Variants in PTS observed in about 807,000 individuals in gnomAD.
The protein encoded by PTS is 6-pyruvoyltetrahydropterin synthase.
Under a neutral mutation model 20.6 loss-of-function variants are expected in PTS, and 23 were observed. The observed-to-expected ratio is 1.12, with a 90% confidence interval of 0.80 to 1.58. The LOEUF is 1.58. PTS is among the 40% of genes most tolerant of loss of function. PTS has a pLI of 0.00. For missense variants in PTS, 186 were observed against 182.4 expected (o/e 1.02, Z -0.11); for synonymous variants, 65 against 62.5 (o/e 1.04, Z -0.19).
intron 1 of PTS, chr11:112,228,313 C>A: frequency 4.2e-6 from 2 of 475,804 alleles, no homozygotes; most frequent in Non-Finnish European, 7.6e-6. Context: ...AAGTGGAAGG[C>A]CCATGAGCAG....
Position 112,228,728 on chromosome 11 carries a change from A to C in PTS, c.163+55A>C, listed in dbSNP as rs1055449773. On this transcript the variant is annotated intron_variant, in intron 2 of 5. Coordinates refer to ENST00000280362, the MANE Select transcript of PTS (RefSeq NM_000317.3). ...CTTCAATAAGGATGAAAGAGTATTCAGCAAATGTAGACATAAAGAATGGGA... is the reference window on the plus strand; with the variant it reads ...CTTCAATAAGGATGAAAGAGTATTCCGCAAATGTAGACATAAAGAATGGGA... The C allele has an allele frequency of 1.4e-5, 20 of 1,470,910 alleles. No homozygotes were observed. In the African/African-American group the frequency reaches 2.5e-4, roughly 18 times the overall value. 91.1% of individuals were successfully genotyped at this position (1,470,910 alleles called of 1,614,324 possible). A position where few individuals can be genotyped will look rare whatever the true frequency, so the allele number is the denominator to read the frequency against.
chr11:112,230,005 C>T (rs554843954), intron 2 of PTS: 73 of 616,806 alleles, frequency 1.2e-4, no homozygotes, highest in African/African-American at 4.4e-4. Flanking sequence ...TCCTTTGTCT[C>T]GATTGTGTCT....
chr11:112,227,853 A>G (rs1592878849), intron 1 of PTS, among the ~76,000 whole-genome samples: 1 of 104,550 alleles, frequency 9.6e-6, no homozygotes, highest in Admixed American at 1.1e-4. Flanking sequence ...CAAACATCCA[A>G]ACTACATTGG....
At chr11:112,228,063 T>C (rs1233485438) in intron 1 of PTS, among the ~76,000 whole-genome samples, 5 of 152,234 alleles carry the variant, frequency 3.3e-5, no homozygotes, top group African/African-American at 1.2e-4. Flanking sequence ...CCTCAACAGA[T>C]TGGTAAAGTT....
intron 1 of PTS, among the ~76,000 whole-genome samples, chr11:112,227,218 C>T (rs1859876536): frequency 6.6e-6 from 1 of 152,070 alleles, no homozygotes; most frequent in Non-Finnish European, 1.5e-5. Context: ...TCCGTATCGT[C>T]GTCTGTGAAA....
chr11:112,230,688 G>C lies in PTS; in HGVS notation c.243+6G>C. 6.2e-7 allele frequency: 1 copy of C among 1,605,376 alleles called. No homozygotes were observed. Among genetic ancestry groups the C allele is most frequent in the Non-Finnish European group, 8.5e-7 (1 of 1,172,112 alleles). On this transcript the variant is annotated splice_donor_region_variant and intron_variant, in intron 4 of 5. Coordinates refer to ENST00000280362, the MANE Select transcript of PTS (RefSeq NM_000317.3). The stretch of plus-strand genomic sequence containing the variant: ...ATCTCAAAAAATATATGGAGGTAAT[G>C]GCATGTTGGGTGCTTATTATGTGCT...
intron 1 of PTS, among the ~76,000 whole-genome samples, chr11:112,227,585 T>C (rs984164240): frequency 6.6e-6 from 1 of 152,128 alleles, no homozygotes; most frequent in African/African-American, 2.4e-5. Flanking sequence ...TCAGGGACCT[T>C]CCACTCATGG....
chr11:112,230,822 T>C (rs1176969391), intron 4 of PTS, 140 bp downstream of exon 4: 11 of 811,122 alleles, frequency 1.4e-5, no homozygotes, highest in East Asian at 1.0e-4. Context: ...TGGGGAATAG[T>C]TGGAAGAACT....
intron 4 of PTS, among the ~76,000 whole-genome samples, chr11:112,231,702 A>G (rs770924458): frequency 2.0e-5 from 3 of 152,148 alleles, no homozygotes; most frequent in Admixed American, 6.5e-5. Context: ...GAGTGTATAC[A>G]TTACTTTTTC....
chr11:112,231,745 G>T (rs2135409666), intron 4 of PTS, among the ~76,000 whole-genome samples: 1 of 151,634 alleles, frequency 6.6e-6, no homozygotes, highest in African/African-American at 2.4e-5. Flanking sequence ...AATAACTGTT[G>T]ATTTAATAAA....
intron 1 of PTS, 109 bp from the exon 2 acceptor site, chr11:112,228,485 A>G: frequency 1.0e-6 from 1 of 958,684 alleles, no homozygotes; most frequent in South Asian, 1.5e-5. Context: ...AAAGTAATAA[A>G]TTGGGAAACT....
At chr11:112,230,524 A>T in intron 3 of PTS, 102 bp from the exon 4 acceptor site, 1 of 1,083,290 alleles carries the variant, frequency 9.2e-7, no homozygotes, top group Non-Finnish European at 1.4e-6. Context: ...AAATGTGCAA[A>T]TGTGGGCACA....
At chr11:112,230,957 C>T (rs920033787) in intron 4 of PTS, among the ~76,000 whole-genome samples, 1 of 151,674 alleles carries the variant, frequency 6.6e-6, no homozygotes, top group African/African-American at 2.4e-5. Context: ...TGATTTCCTT[C>T]AGTTAACAAA....
intron 1 of PTS, among the ~76,000 whole-genome samples, chr11:112,227,183 A>G (rs1859876053): frequency 1.3e-5 from 2 of 151,930 alleles, no homozygotes; most frequent in South Asian, 4.2e-4. Flanking sequence ...TTTACCACGC[A>G]CTAACCAGCT....
chr11:112,231,230 A>G (rs1203523993), intron 4 of PTS, among the ~76,000 whole-genome samples: 1 of 151,976 alleles, frequency 6.6e-6, no homozygotes, highest in Non-Finnish European at 1.5e-5. Context: ...CTTTGATCAT[A>G]GATTTAGACA....
At position 112,226,558 on chromosome 11, in the gene PTS, G is replaced by A. The variant is rs368946533; in HGVS notation, c.83+32G>A. 8 of 1,501,876 alleles carry A rather than the reference G, an allele frequency of 5.3e-6. No individual in the cohort carries two copies. In the African/African-American group the frequency reaches 1.1e-4, roughly 22 times the overall value. The allele number at this position is 1,501,876 out of a possible 1,614,324, so 93.0% of individuals were successfully genotyped here. A position where few individuals can be genotyped will look rare whatever the true frequency, so the allele number is the denominator to read the frequency against. ...TGTGCACACAGGTACAGCGGCGGGCGGTGGGCGCCGGGCCCCGGAACGTCA... is the reference window on the plus strand; with the variant it reads ...TGTGCACACAGGTACAGCGGCGGGCAGTGGGCGCCGGGCCCCGGAACGTCA... On this transcript the variant is annotated intron_variant, in intron 1 of 5. Transcript: ENST00000280362.
intron 1 of PTS, among the ~76,000 whole-genome samples, chr11:112,227,919 C>T (rs1241891626): frequency 6.6e-6 from 1 of 152,130 alleles, no homozygotes; most frequent in Non-Finnish European, 1.5e-5. Context: ...GCTTAAACAC[C>T]TGAGGGTGGT....
intron 1 of PTS, among the ~76,000 whole-genome samples, chr11:112,227,967 A>G (rs1350990905): frequency 6.6e-6 from 1 of 152,232 alleles, no homozygotes; most frequent in East Asian, 1.9e-4. Context: ...ATGGATGGGT[A>G]TAAGTATAAA....
At chr11:112,232,825 T>G (rs566515454) in intron 4 of PTS, among the ~76,000 whole-genome samples, 7 of 152,348 alleles carry the variant, frequency 4.6e-5, no homozygotes, top group African/African-American at 7.2e-5. Context: ...TGGAAAAATA[T>G]TTGTGCTAAC....
Sources: allele counts gnomAD v4.1 joint callset (sites outside exome capture counted in the v4.1 genomes callset), GRCh38; gene constraint gnomAD v4.1.1; transcripts MANE v1.5; gene names NCBI Gene and HGNC (gene_info 2026-07-23, HGNC 2026-07-21).